Variants in CAMTA1 observed in about 807,000 individuals in gnomAD.
CAMTA1 encodes the protein calmodulin-binding transcription activator 1.
Under a neutral mutation model 170.9 loss-of-function variants are expected in CAMTA1, and 27 were observed. That is an observed-to-expected ratio of 0.16 (90% confidence interval 0.12 to 0.22). The LOEUF (loss-of-function observed/expected upper bound fraction) is 0.22. CAMTA1 is among the 10% of genes least tolerant of loss of function. CAMTA1 has a pLI of 1.00. For synonymous variants in CAMTA1, 833 were observed against 891.5 expected (o/e 0.93, Z 1.17); for missense variants, 1,619 against 2,217.2 (o/e 0.73, Z 5.42).
At chr1:7,714,834 C>T (rs927793616) in intron 11 of CAMTA1, among the ~76,000 whole-genome samples, 5 of 152,152 alleles carry the variant, frequency 3.3e-5, no homozygotes, top group African/African-American at 4.8e-5. Flanking sequence ...CAGCATCCTT[C>T]TTATTAGGAC....
At chr1:6,797,290 G>A (rs961829455) in intron 1 of CAMTA1, among the ~76,000 whole-genome samples, 1 of 151,710 alleles carries the variant, frequency 6.6e-6, no homozygotes, top group Non-Finnish European at 1.5e-5. Context: ...CATACTACAG[G>A]GCTCAAGTGA....
chr1:6,858,333 G>GAT (rs1172555397), intron 3 of CAMTA1, among the ~76,000 whole-genome samples: 2 of 152,042 alleles, frequency 1.3e-5, no homozygotes, highest in Non-Finnish European at 2.9e-5. Context: ...ACCCACTTAA[G>GAT]AAGTGACTGT....
chr1:7,517,226 A>G (rs2094298847), intron 6 of CAMTA1, among the ~76,000 whole-genome samples: 1 of 151,998 alleles, frequency 6.6e-6, no homozygotes, highest in Non-Finnish European at 1.5e-5. Context: ...ATTCCTAATT[A>G]CTCATCATTA....
chr1:6,929,032 G>A (rs1237624186), intron 3 of CAMTA1, among the ~76,000 whole-genome samples: 1 of 152,166 alleles, frequency 6.6e-6, no homozygotes, highest in Non-Finnish European at 1.5e-5. Flanking sequence ...TAAATAGAAG[G>A]GACTTAAGGG....
chr1:7,102,521 C>T (rs1248912124), intron 4 of CAMTA1, among the ~76,000 whole-genome samples: 1 of 152,202 alleles, frequency 6.6e-6, no homozygotes. Flanking sequence ...TCAGAGAAGT[C>T]AGCCCACTGT....
At chr1:6,968,321 T>C (rs1019191767) in intron 3 of CAMTA1, among the ~76,000 whole-genome samples, 3 of 151,858 alleles carry the variant, frequency 2.0e-5, no homozygotes, top group African/African-American at 7.3e-5. Context: ...GGAAGTAGAG[T>C]CTGGAAGGAT....
intron 6 of CAMTA1, among the ~76,000 whole-genome samples, chr1:7,586,149 C>T (rs1257132442): frequency 1.3e-5 from 2 of 152,112 alleles, no homozygotes; most frequent in Non-Finnish European, 2.9e-5. Context: ...AGCCAGGCAC[C>T]TGGCTGCATC....
intron 5 of CAMTA1, among the ~76,000 whole-genome samples, chr1:7,452,063 G>A (rs761256036): frequency 3.3e-5 from 5 of 152,216 alleles, no homozygotes; most frequent in South Asian, 2.1e-4. Flanking sequence ...ACACCAGGCC[G>A]GGGGGCTAAC....
chr1:7,398,183 C>CATATATATATATATA (rs2089524285), intron 5 of CAMTA1, among the ~76,000 whole-genome samples: 1 of 45,220 alleles, frequency 2.2e-5, no homozygotes, highest in African/African-American at 8.8e-5. Flanking sequence ...CTCTCTCTCT[C>CATATATATATATATA]TCTCTCTCTC....
At chr1:6,985,573 C>T (rs1183965010) in intron 3 of CAMTA1, among the ~76,000 whole-genome samples, 3 of 152,222 alleles carry the variant, frequency 2.0e-5, no homozygotes, top group Non-Finnish European at 4.4e-5. Flanking sequence ...TACAATCTCT[C>T]TGCATTTATT....
chr1:7,675,077 T>C (rs2149257437), intron 10 of CAMTA1, among the ~76,000 whole-genome samples: 1 of 152,208 alleles, frequency 6.6e-6, no homozygotes, highest in African/African-American at 2.4e-5. Flanking sequence ...TTCTGGAACA[T>C]GGATGAGCAG....
intron 6 of CAMTA1, among the ~76,000 whole-genome samples, chr1:7,506,331 G>T (rs1357626062): frequency 1.3e-5 from 2 of 152,166 alleles, no homozygotes; most frequent in Non-Finnish European, 2.9e-5. Flanking sequence ...CCCTGCCCTG[G>T]AGCCCCGGCC....
At chr1:7,046,218 C>T (rs990751691) in intron 3 of CAMTA1, among the ~76,000 whole-genome samples, 5 of 152,146 alleles carry the variant, frequency 3.3e-5, no homozygotes, top group African/African-American at 7.2e-5. Context: ...TAATTGAGAC[C>T]TAATTTACTT....
At chr1:7,459,325 A>G (rs1183165651) in intron 5 of CAMTA1, among the ~76,000 whole-genome samples, 4 of 152,162 alleles carry the variant, frequency 2.6e-5, no homozygotes, top group African/African-American at 9.7e-5. Flanking sequence ...AATCCATGTC[A>G]TCCTCTCCTT....
chr1:6,943,859 A>G (rs927579090), intron 3 of CAMTA1, among the ~76,000 whole-genome samples: 2 of 105,946 alleles, frequency 1.9e-5, no homozygotes, highest in African/African-American at 6.1e-5. Flanking sequence ...AAAAAAAAAA[A>G]AAAAAAAAAG....
chr1:7,401,538 C>T (rs971997637), intron 5 of CAMTA1, among the ~76,000 whole-genome samples: 6 of 151,892 alleles, frequency 4.0e-5, no homozygotes, highest in African/African-American at 1.2e-4. Flanking sequence ...AAAAATCCTT[C>T]TGGGAATTTA....
At chr1:7,100,168 C>T (rs955919862) in intron 4 of CAMTA1, among the ~76,000 whole-genome samples, 1 of 152,182 alleles carries the variant, frequency 6.6e-6, no homozygotes, top group Non-Finnish European at 1.5e-5. Context: ...GGGTCCCCTG[C>T]ACGGCACTTG....
chr1:7,159,904 T>C (rs1369114216), intron 4 of CAMTA1, among the ~76,000 whole-genome samples: 1 of 152,190 alleles, frequency 6.6e-6, no homozygotes, highest in Non-Finnish European at 1.5e-5. Context: ...CATAGTATTG[T>C]TCCATAAAGA....
At chr1:7,696,196 CTGTTT>C (rs1186831346) in intron 11 of CAMTA1, among the ~76,000 whole-genome samples, 7 of 151,882 alleles carry the variant, frequency 4.6e-5, no homozygotes, top group East Asian at 3.9e-4. Context: ...TTTGTTGTTG[CTGTTT>C]TGTTTTGTTT....
Sources: gnomAD v4.1 joint callset for allele counts (sites outside exome capture counted in the v4.1 genomes callset) on GRCh38, gnomAD v4.1.1 for gene constraint, MANE v1.5 for transcripts, NCBI Gene and HGNC (gene_info 2026-07-23, HGNC 2026-07-21) for gene names.